HRH1: variants seen among roughly 807,000 people sequenced by gnomAD.
HRH1 encodes histamine H1 receptor.
Under a neutral mutation model 10.3 loss-of-function variants are expected in HRH1, and 6 were observed. The observed-to-expected ratio is 0.58, with a 90% CI of 0.32 to 1.15. The LOEUF is 1.15. HRH1 is among the 50% of genes most tolerant of loss of function. The pLI is 0.05. For synonymous variants in HRH1, 242 were observed against 236.7 expected (o/e 1.02, Z -0.21); for missense variants, 514 against 615.3 (o/e 0.84, Z 1.74).
chr3:11,254,720 A>T (rs1383054395), intron 1 of HRH1, among the ~76,000 whole-genome samples: 3 of 152,202 alleles, frequency 2.0e-5, no homozygotes, highest in Non-Finnish European at 4.4e-5. Context: ...ATGAACCCCC[A>T]AGTTTGTTAG....
chr3:11,239,427 A>G (rs775808913), intron 1 of HRH1, among the ~76,000 whole-genome samples: 2 of 152,206 alleles, frequency 1.3e-5, no homozygotes, highest in Non-Finnish European at 2.9e-5. Flanking sequence ...TATATGATAT[A>G]TCAGATATAT....
chr3:11,165,308 G>A (rs1367107159), intron 1 of HRH1, among the ~76,000 whole-genome samples: 6 of 152,116 alleles, frequency 3.9e-5, no homozygotes, highest in Non-Finnish European at 8.8e-5. Flanking sequence ...GCAATCATCC[G>A]TTAATTCCCT....
At chr3:11,239,151 C>T in intron 1 of HRH1, among the ~76,000 whole-genome samples, 1 of 152,218 alleles carries the variant, frequency 6.6e-6, no homozygotes, top group East Asian at 1.9e-4. Flanking sequence ...GTTCTTCTTT[C>T]TCCACATCTT....
At chr3:11,174,534 A>G (rs1937214189) in intron 1 of HRH1, among the ~76,000 whole-genome samples, 1 of 152,196 alleles carries the variant, frequency 6.6e-6, no homozygotes, top group Non-Finnish European at 1.5e-5. Context: ...GGACTTGTTT[A>G]GAGAAGAGAA....
At chr3:11,256,865 A>C (rs1939796293) in intron 1 of HRH1, among the ~76,000 whole-genome samples, 1 of 151,442 alleles carries the variant, frequency 6.6e-6, no homozygotes, top group Admixed American at 6.6e-5. Flanking sequence ...TAATGTAAAA[A>C]TAATTTCTTT....
chr3:11,139,426 C>G (rs187665562), intron 1 of HRH1, among the ~76,000 whole-genome samples: 2 of 151,998 alleles, frequency 1.3e-5, no homozygotes, highest in Admixed American at 6.6e-5. Context: ...ATTACAGGCG[C>G]CTGCCACCAC....
chr3:11,234,159 CA>C, intron 1 of HRH1: 1 of 759,114 alleles, frequency 1.3e-6, no homozygotes, highest in Non-Finnish European at 2.2e-6. Flanking sequence ...CACAGGACAA[CA>C]GAGGGAAAGA....
intron 1 of HRH1, among the ~76,000 whole-genome samples, chr3:11,170,326 G>A (rs765157431): frequency 6.6e-5 from 10 of 152,248 alleles, no homozygotes; most frequent in Admixed American, 1.3e-4. Flanking sequence ...AAATTAAGTC[G>A]TTTCTCTTAG....
intron 1 of HRH1, among the ~76,000 whole-genome samples, chr3:11,245,595 C>T (rs576991952): frequency 3.9e-5 from 6 of 152,242 alleles, no homozygotes; most frequent in South Asian, 2.1e-4. Context: ...GTGCAAGGAG[C>T]GCTGACTGGG....
chr3:11,212,284 A>T (rs1938353832), intron 1 of HRH1, among the ~76,000 whole-genome samples: 1 of 152,182 alleles, frequency 6.6e-6, no homozygotes, highest in Admixed American at 6.6e-5. Context: ...AAAGCTTTAT[A>T]TATATGTATA....
intron 1 of HRH1, among the ~76,000 whole-genome samples, chr3:11,189,308 T>C (rs1035211015): frequency 6.6e-6 from 1 of 152,220 alleles, no homozygotes; most frequent in African/African-American, 2.4e-5. Context: ...ATAATCACCT[T>C]AGATTGAATC....
chr3:11,234,616 G>A lies in HRH1; in HGVS notation c.-35-24387G>A, dbSNP rs572288956. ...AGCCACCAATTCTGCATTGCTTGGA[G>A]TTTCATGGTCTTCTTTGGTTATAAA... On this transcript the variant is annotated intron_variant, in intron 1 of 1. Transcript: ENST00000431010. 319 of 1,437,916 alleles carry A rather than the reference G, an allele frequency of 2.2e-4. 1 individual carries two copies. The African/African-American group carries it at 3.6e-3, about 16-fold the overall frequency. 89.1% of individuals were successfully genotyped at this position (1,437,916 alleles called of 1,614,324 possible). A position where few individuals can be genotyped will look rare whatever the true frequency, so the allele number is the denominator to read the frequency against.
chr3:11,206,225 C>G (rs1938119641), intron 1 of HRH1, among the ~76,000 whole-genome samples: 1 of 152,258 alleles, frequency 6.6e-6, no homozygotes, highest in Non-Finnish European at 1.5e-5. Context: ...AGTGATTCTC[C>G]TGCCTCAGCC....
intron 1 of HRH1, among the ~76,000 whole-genome samples, chr3:11,202,013 T>C (rs1937931516): frequency 6.6e-6 from 1 of 152,176 alleles, no homozygotes; most frequent in South Asian, 2.1e-4. Flanking sequence ...CTTGGGGTAA[T>C]TCAGAGGTGG....
chr3:11,216,042 C>G (rs898142043), intron 1 of HRH1, among the ~76,000 whole-genome samples: 16 of 152,102 alleles, frequency 1.1e-4, no homozygotes, highest in African/African-American at 3.9e-4. Flanking sequence ...ACTGGACTTG[C>G]ATGTAGTTCC....
At chr3:11,221,577 A>G (rs1938711556) in intron 1 of HRH1, among the ~76,000 whole-genome samples, 1 of 151,802 alleles carries the variant, frequency 6.6e-6, no homozygotes, top group African/African-American at 2.4e-5. Flanking sequence ...ATGTATATAT[A>G]TATATCCATA....
rs200335907 is a variant in HRH1 at position 11,259,387 on chromosome 3, G to A, written c.350G>A (p.Ser117Asn). ...DYVASTASIF[S>N]VFILCIDRYR... ...GTGGCCAGCACAGCGTCCATTTTCA[G>A]TGTCTTCATCCTGTGCATTGATCGC... is the stretch of plus-strand genomic sequence containing the variant. Residue 117 changes from serine (S) to asparagine (N), a missense_variant, in exon 2 of 2, where the codon AGT (serine) becomes AAT (asparagine). By Grantham distance (46) the Ser-to-Asn change is conservative. Coordinates refer to ENST00000431010, the MANE Select transcript of HRH1 (RefSeq NM_001098212.2). This position sits in a 1 kb window ranked among gnomAD's most constrained non-coding sequence, Gnocchi z 4.6. 8.1e-6 allele frequency: 13 copies of A among 1,613,878 alleles called. No individual in the cohort carries two copies. Among genetic ancestry groups the A allele is most frequent in the Non-Finnish European group, 1.1e-5 (13 of 1,179,984 alleles).
intron 1 of HRH1, among the ~76,000 whole-genome samples, chr3:11,236,833 G>A (rs922376376): frequency 3.3e-5 from 5 of 152,252 alleles, no homozygotes; most frequent in Admixed American, 1.3e-4. Flanking sequence ...GGTGGCAGCT[G>A]CAGGCAGGTG....
chr3:11,163,087 A>G (rs189048938), intron 1 of HRH1, among the ~76,000 whole-genome samples: 265 of 152,056 alleles, frequency 1.7e-3, no homozygotes, highest in African/African-American at 6.1e-3. Context: ...AGCCTCCCCC[A>G]CTGCCTTCTT....
Sources: allele counts gnomAD v4.1 joint callset (sites outside exome capture counted in the v4.1 genomes callset), GRCh38; gene constraint gnomAD v4.1.1; non-coding constraint Gnocchi (gnomAD v3.1); transcripts MANE v1.5; gene names NCBI Gene and HGNC (gene_info 2026-07-23, HGNC 2026-07-21).